PTPRD: variants seen among roughly 807,000 people sequenced by gnomAD.
PTPRD encodes the protein receptor-type tyrosine-protein phosphatase delta.
A neutral mutation model predicts 214.5 loss-of-function variants in PTPRD; 34 were observed. The ratio of observed to expected loss-of-function variants is 0.16; its 90% confidence interval spans 0.12 to 0.21. PTPRD has a LOEUF of 0.21. Among genes scored for constraint, PTPRD ranks in the 10% least tolerant of loss-of-function variants. PTPRD has a pLI of 1.00. For synonymous variants in PTPRD, 1,128 were observed against 845.7 expected (o/e 1.33, Z -5.79); for missense variants, 2,545 against 2,398.7 (o/e 1.06, Z -1.27).
chr9:8,733,536 A>G (rs1182810288), intron 12 of PTPRD, among the ~76,000 whole-genome samples: 1 of 152,202 alleles, frequency 6.6e-6, no homozygotes, highest in Non-Finnish European at 1.5e-5. Context: ...AGGTATAAAA[A>G]AATAAATAAA....
intron 8 of PTPRD, among the ~76,000 whole-genome samples, chr9:9,427,847 C>A (rs937133521): frequency 2.0e-5 from 3 of 152,148 alleles, no homozygotes; most frequent in African/African-American, 7.2e-5. Context: ...AAATCCTTTA[C>A]AGACAAACAA....
chr9:9,746,651 G>A (rs1340846928), intron 6 of PTPRD, among the ~76,000 whole-genome samples: 4 of 152,122 alleles, frequency 2.6e-5, no homozygotes, highest in Non-Finnish European at 4.4e-5. Flanking sequence ...GAAGTTGGAT[G>A]AGAAGTGAAA....
chr9:8,838,854 T>C (rs558994902), intron 11 of PTPRD, among the ~76,000 whole-genome samples: 3 of 151,880 alleles, frequency 2.0e-5, no homozygotes, highest in African/African-American at 7.2e-5. Context: ...CAAAATCAGA[T>C]TGAAATCATA....
rs141880808 is a variant in PTPRD at position 9,247,434 on chromosome 9, G to A, written c.-202-64071C>T. Among the ~76,000 whole-genome samples, 21 of 152,098 alleles carry A rather than the reference G, an allele frequency of 1.4e-4. No individual in the cohort carries two copies. The East Asian group carries it at 3.5e-3, about 25-fold the overall frequency. ...TGAAGGCTCCCACATCCCATAAAAC[G>A]TTGATTATATACATTTGTTATGCTT... On this transcript the variant is annotated intron_variant, in intron 9 of 45. Transcript: ENST00000381196.
chr9:10,026,055 T>C (rs2096917131), intron 4 of PTPRD, among the ~76,000 whole-genome samples: 1 of 152,218 alleles, frequency 6.6e-6, no homozygotes, highest in South Asian at 2.1e-4. Context: ...AGTGCTGCTC[T>C]AATATGTCTC....
chr9:8,511,773 ATTAC>A (rs956842030), intron 21 of PTPRD, among the ~76,000 whole-genome samples: 3 of 152,286 alleles, frequency 2.0e-5, no homozygotes, highest in South Asian at 2.1e-4. Context: ...CGCCCTCTTG[ATTAC>A]TTACTTAATG....
intron 14 of PTPRD, among the ~76,000 whole-genome samples, chr9:8,604,297 T>C (rs1343187002): frequency 6.6e-6 from 1 of 152,014 alleles, no homozygotes; most frequent in African/African-American, 2.4e-5. Context: ...TCTCAGAAAA[T>C]AGCCAGGGAA....
intron 12 of PTPRD, among the ~76,000 whole-genome samples, chr9:8,692,812 G>C (rs547854936): frequency 1.3e-5 from 2 of 152,196 alleles, no homozygotes; most frequent in African/African-American, 4.8e-5. Flanking sequence ...TTTTCAAAAA[G>C]AAACACAGTT....
chr9:8,512,637 T>C (rs2097704439), intron 21 of PTPRD, among the ~76,000 whole-genome samples: 1 of 151,994 alleles, frequency 6.6e-6, no homozygotes, highest in South Asian at 2.1e-4. Context: ...TTAAAGTTGA[T>C]ACTAGTCATT....
At chr9:9,204,953 G>A (rs902935975) in intron 9 of PTPRD, among the ~76,000 whole-genome samples, 8 of 151,920 alleles carry the variant, frequency 5.3e-5, no homozygotes, top group African/African-American at 9.7e-5. Flanking sequence ...AAGTATCTGC[G>A]GCATTAAAGA....
At position 9,663,023 on chromosome 9, in the gene PTPRD, CATT is replaced by C. The variant is rs1350689897; in HGVS notation, c.-287+71507_-287+71509del. Among the ~76,000 whole-genome samples the C allele has an allele frequency of 7.9e-5, 12 of 151,632 alleles. No individual in the cohort carries two copies. The East Asian group carries it at 1.5e-3, about 20-fold the overall frequency. On this transcript the variant is annotated intron_variant, in intron 7 of 45. Transcript: ENST00000381196. Reference sequence around the variant, plus strand: ...AAATAATATTTTGAACATAAACTGACATTATGATTCCTATCTAATTTTGAGATA... The same window carrying C: ...AAATAATATTTTGAACATAAACTGACATGATTCCTATCTAATTTTGAGATA...
chr9:9,611,572 C>T (rs1041094780), intron 7 of PTPRD, among the ~76,000 whole-genome samples: 2 of 151,894 alleles, frequency 1.3e-5, no homozygotes, highest in Non-Finnish European at 2.9e-5. Context: ...TGACTATAAA[C>T]ATAGTCATAT....
chr9:9,870,757 CA>C (rs1252331608), intron 5 of PTPRD, among the ~76,000 whole-genome samples: 2 of 151,532 alleles, frequency 1.3e-5, no homozygotes, highest in African/African-American at 4.8e-5. Flanking sequence ...ATAATTTAGC[CA>C]AAAAAATTTA....
chr9:10,057,746 G>C (rs2097683331), intron 3 of PTPRD, among the ~76,000 whole-genome samples: 1 of 151,916 alleles, frequency 6.6e-6, no homozygotes, highest in Non-Finnish European at 1.5e-5. Flanking sequence ...GGGAATCTGA[G>C]GGAGGGGAGT....
At chr9:8,319,161 T>G (rs1044193901) in intron 45 of PTPRD, among the ~76,000 whole-genome samples, 4 of 152,092 alleles carry the variant, frequency 2.6e-5, no homozygotes, top group Non-Finnish European at 5.9e-5. Flanking sequence ...ATACTGTGGA[T>G]GATGAATTGA....
chr9:8,929,755 A>ATATATGTG lies in PTPRD; in HGVS notation c.-104+88941_-104+88942insCACATATA, dbSNP rs1285445116. On this transcript the variant is annotated intron_variant, in intron 11 of 45. Transcript: ENST00000381196. ...TGTGTATATATATGTGTATATATAT[A>ATATATGTG]TGTATATATATGTGTATATATATGG... 4.8e-4 allele frequency among the ~76,000 whole-genome samples: 28 copies of ATATATGTG among 58,092 alleles called. 2 individuals are homozygous for ATATATGTG. The highest frequency in any genetic ancestry group is 8.8e-4 in the Non-Finnish European group (25 of 28,312). The allele number at this position is 58,092 out of a possible 152,430, so 38.1% of individuals were successfully genotyped here. A position where few individuals can be genotyped will look rare whatever the true frequency, so the allele number is the denominator to read the frequency against.
intron 8 of PTPRD, among the ~76,000 whole-genome samples, chr9:9,481,303 A>G (rs1430660318): frequency 1.3e-5 from 2 of 152,192 alleles, no homozygotes; most frequent in African/African-American, 4.8e-5. Flanking sequence ...TTGACTCACA[A>G]TCATCACTGT....
At chr9:8,940,458 TTTTTTG>T (rs1315124405) in intron 11 of PTPRD, among the ~76,000 whole-genome samples, 2 of 136,350 alleles carry the variant, frequency 1.5e-5, no homozygotes, top group African/African-American at 5.4e-5. Context: ...TTTTTTTTTT[TTTTTTG>T]GTATTTTTAA....
chr9:8,553,491 T>G (rs1344112747), intron 14 of PTPRD, among the ~76,000 whole-genome samples: 1 of 152,176 alleles, frequency 6.6e-6, no homozygotes, highest in African/African-American at 2.4e-5. Context: ...AATCAATCCT[T>G]TATTTATCAG....
Sources: allele counts gnomAD v4.1 joint callset (sites outside exome capture counted in the v4.1 genomes callset), GRCh38; gene constraint gnomAD v4.1.1; transcripts MANE v1.5; gene names NCBI Gene and HGNC (gene_info 2026-07-23, HGNC 2026-07-21).